The following ATXN2L variants were observed in gnomAD, a reference collection of about 807,000 sequenced individuals.
The protein encoded by ATXN2L is ataxin-2-like protein.
ATXN2L carries 24 observed loss-of-function variants against 120.7 expected under a neutral mutation model. The ratio of observed to expected loss-of-function variants is 0.20; its 90% confidence interval spans 0.14 to 0.28. ATXN2L has a LOEUF of 0.28. Among genes scored for constraint, ATXN2L ranks in the 10% least tolerant of loss-of-function variants. ATXN2L has a pLI of 1.00. For missense variants in ATXN2L, 1,312 were observed against 1,432.3 expected (o/e 0.92, Z 1.36); for synonymous variants, 653 against 568.1 (o/e 1.15, Z -2.13).
intron 10 of ATXN2L, among the ~76,000 whole-genome samples, chr16:28,831,559 ACCTTGTGATCCTCC>A (rs2054433626): frequency 6.6e-6 from 1 of 152,018 alleles, no homozygotes; most frequent in Middle Eastern, 3.4e-3. Context: ...CGAACTCCTG[ACCTTGTGATCCTCC>A]CACCTTGGTC....
intron 18 of ATXN2L, 165 bp from the exon 19 acceptor site, chr16:28,834,893 C>T (rs1959603066): frequency 1.7e-6 from 2 of 1,177,412 alleles, no homozygotes; most frequent in Non-Finnish European, 1.2e-6. Context: ...ATCTGTATCT[C>T]TGAAGTGTAG....
intron 1 of ATXN2L, among the ~76,000 whole-genome samples, chr16:28,824,931 G>A (rs956609724): frequency 1.3e-5 from 2 of 151,854 alleles, no homozygotes; most frequent in Non-Finnish European, 2.9e-5. Flanking sequence ...TTTATTGGCC[G>A]GGCGCAGTGG....
intron 6 of ATXN2L, among the ~76,000 whole-genome samples, chr16:28,827,998 C>G (rs887787767): frequency 2.0e-5 from 3 of 152,128 alleles, no homozygotes; most frequent in Non-Finnish European, 4.4e-5. Context: ...CCTTTTCGAA[C>G]TTCTCATGGT....
At chr16:28,826,824 T>A in intron 5 of ATXN2L, 38 bp from the exon 6 acceptor site, 6 of 1,504,486 alleles carry the variant, frequency 4.0e-6, no homozygotes, top group Non-Finnish European at 5.4e-6. Flanking sequence ...GTCTGTGAAA[T>A]ATAGCCTGAC....
intron 1 of ATXN2L, chr16:28,824,676 C>T: frequency 1.0e-5 from 10 of 961,366 alleles, no homozygotes; most frequent in Non-Finnish European, 1.2e-5. Context: ...TGTACCTGAG[C>T]TAGGTAGTTC....
Position 28,835,366 on chromosome 16 carries a change from G to A in ATXN2L, c.2652G>A (p.Pro884=), listed in dbSNP as rs536112097. 41 of 1,613,170 alleles carry A rather than the reference G, an allele frequency of 2.5e-5. No individual in the cohort carries two copies. The highest frequency in any genetic ancestry group is 2.5e-4 in the East Asian group (11 of 44,880). The change falls in exon 20 of 22, where the codon CCG becomes CCA. Residue 884 remains proline, a synonymous_variant. Transcript: ENST00000336783. ...QPATTPTGSQ[P]QSQHAAPSPV... ...CTACCACGCCTACTGGAAGCCAGCC[G>A]CAGTCCCAGCATGCGGCCCCCAGTC...
chr16:28,832,320 T>C lies in ATXN2L; in HGVS notation c.1437T>C (p.Pro479=). The C allele has an allele frequency of 6.2e-7, 1 of 1,614,186 alleles. No individual in the cohort carries two copies. Among genetic ancestry groups the C allele is most frequent in the Non-Finnish European group, 8.5e-7 (1 of 1,180,034 alleles). The change falls in exon 11 of 22, where the codon CCT becomes CCC. Residue 479 remains proline, a synonymous_variant. Coordinates refer to ENST00000336783, the MANE Select transcript of ATXN2L (RefSeq NM_007245.4). The part of the protein sequence containing the change: ...SAVPTSSASI[P]VTSSVSDPGV... ...TGCCAACCTCTTCAGCCTCCATCCCTGTGACCTCATCAGTCTCAGATCCTG... is the reference window on the plus strand; with the variant it reads ...TGCCAACCTCTTCAGCCTCCATCCCCGTGACCTCATCAGTCTCAGATCCTG...
rs750512762 is a variant in ATXN2L, at chr16:28,837,064, A to G, written c.*799A>G. On this transcript the variant is annotated 3_prime_UTR_variant, in exon 22 of 22. Transcript: ENST00000336783. ...GGAGACGGAAGATCTTTTATTTTCTATTATTTATAACTTCAGACTTGGGCC... is the reference window on the plus strand; with the variant it reads ...GGAGACGGAAGATCTTTTATTTTCTGTTATTTATAACTTCAGACTTGGGCC... 1.2e-5 allele frequency: 7 copies of G among 601,228 alleles called. No individual in the cohort carries two copies. Among genetic ancestry groups the G allele is most frequent in the South Asian group, 7.6e-5 (5 of 65,508 alleles). The allele number at this position is 601,228 out of a possible 1,614,324, so 37.2% of individuals were successfully genotyped here.
chr16:28,823,429 C>T lies in ATXN2L; in HGVS notation c.170C>T (p.Pro57Leu), dbSNP rs1226453948. ...APPGPPAAAS[P>L]CLGPVAAAGS... ...CCCGGGCCTCCAGCGGCCGCCTCCC[C>T]CTGCCTGGGGCCTGTGGCCGCTGCC... is the stretch of plus-strand genomic sequence containing the variant. Residue 57 changes from proline (P) to leucine (L), a missense_variant, in exon 1 of 22, where the codon CCC becomes CTC. Transcript: ENST00000336783. 4 of 1,309,836 alleles carry T rather than the reference C, an allele frequency of 3.1e-6. No homozygotes were observed. Among genetic ancestry groups the T allele is most frequent in the Non-Finnish European group, 2.9e-6 (3 of 1,034,564 alleles). 81.1% of individuals were successfully genotyped at this position (1,309,836 alleles called of 1,614,324 possible). A position where few individuals can be genotyped will look rare whatever the true frequency, so the allele number is the denominator to read the frequency against.
At chr16:28,830,912 G>T in intron 9 of ATXN2L, 50 bp from the exon 10 acceptor site, 3 of 1,454,964 alleles carry the variant, frequency 2.1e-6, no homozygotes, top group Non-Finnish European at 2.8e-6. Context: ...GTAATAGGTC[G>T]TCTGCCTCCT....
rs190903121 is a variant in ATXN2L at position 28,833,419 on chromosome 16, T to A, written c.1956-20T>A. 346 of 1,614,200 alleles carry A rather than the reference T, an allele frequency of 2.1e-4. 2 individuals are homozygous for A. The African/African-American group carries it at 4.2e-3, about 20-fold the overall frequency. The stretch of plus-strand genomic sequence containing the variant: ...GGGATGAGAGCAAGCCGTGAAGATT[T>A]ACTGTACTTTCTCTCACAGACAAGT... On this transcript the variant is annotated intron_variant, in intron 14 of 21. Transcript: ENST00000336783.
chr16:28,832,574 G>A lies in ATXN2L; in HGVS notation c.1588+7G>A, dbSNP rs763231258. On this transcript the variant is annotated splice_region_variant and intron_variant, in intron 12 of 21. Coordinates refer to ENST00000336783, the MANE Select transcript of ATXN2L (RefSeq NM_007245.4). ...GCTCGGATAGCTGGGAAAGGTGAGG[G>A]TGGTTTTTTTTCTGCTGAGGATTAA... is the stretch of plus-strand genomic sequence containing the variant. The A allele has an allele frequency of 6.2e-7, 1 of 1,613,988 alleles. No homozygotes were observed. The highest frequency in any genetic ancestry group is 2.2e-5 in the East Asian group (1 of 44,882).
At chr16:28,823,640 G>C (rs1004326428) in intron 1 of ATXN2L, 82 bp downstream of exon 1, 1 of 1,214,332 alleles carries the variant, frequency 8.2e-7, no homozygotes, top group Non-Finnish European at 1.0e-6. Flanking sequence ...ACCCCGACCC[G>C]GCACCGTCAG....
At chr16:28,827,712 G>A (rs1003089380) in intron 6 of ATXN2L, among the ~76,000 whole-genome samples, 2 of 152,162 alleles carry the variant, frequency 1.3e-5, no homozygotes, top group African/African-American at 4.8e-5. Flanking sequence ...CTGGACTCCA[G>A]TCTGAGCGAC....
intron 4 of ATXN2L, 129 bp from the exon 5 acceptor site, chr16:28,826,111 G>A: frequency 9.0e-7 from 1 of 1,107,942 alleles, no homozygotes; most frequent in Non-Finnish European, 1.3e-6. Flanking sequence ...GCATGTTGAG[G>A]ATGTAGTGTT....
rs764231927 is a variant in ATXN2L at position 28,836,271 on chromosome 16, C to T, written c.*6C>T. 52 of 1,610,426 alleles carry T rather than the reference C, an allele frequency of 3.2e-5. No homozygotes were observed. Among genetic ancestry groups the T allele is most frequent in the Non-Finnish European group, 4.2e-5 (49 of 1,178,014 alleles). On this transcript the variant is annotated 3_prime_UTR_variant, in exon 22 of 22. Coordinates refer to ENST00000336783, the MANE Select transcript of ATXN2L (RefSeq NM_007245.4). ...GGGTTCTGGGTGGGGAGTGAGGGGT[C>T]TTGGAGGCAGGGCTGTCCCACAGGG... is the stretch of plus-strand genomic sequence containing the variant.
At chr16:28,823,847 G>A (rs2050542767) in intron 1 of ATXN2L, 3 of 344,574 alleles carry the variant, frequency 8.7e-6, no homozygotes, top group African/African-American at 2.1e-5. Flanking sequence ...TCGGAACGGG[G>A]AGTTGGGGGG....
chr16:28,824,117 C>A (rs1596840698), intron 1 of ATXN2L: 2 of 1,018,722 alleles, frequency 2.0e-6, no homozygotes, highest in South Asian at 6.3e-5. Context: ...GGACTGCGGG[C>A]CGGGAGCCTC....
At chr16:28,831,283 C>T (rs1489054670) in intron 10 of ATXN2L, among the ~76,000 whole-genome samples, 2 of 152,112 alleles carry the variant, frequency 1.3e-5, no homozygotes, top group African/African-American at 2.4e-5. Context: ...GCTTGGCAGA[C>T]ATCTTTTGTT....
Sources: allele counts gnomAD v4.1 joint callset (sites outside exome capture counted in the v4.1 genomes callset), GRCh38; gene constraint gnomAD v4.1.1; transcripts MANE v1.5; gene names NCBI Gene and HGNC (gene_info 2026-07-23, HGNC 2026-07-21).